PIGU: variants seen among roughly 807,000 people sequenced by gnomAD.
PIGU encodes the protein phosphatidylinositol glycan anchor biosynthesis class U, also known as GPI-anchor transamidase component PIGU.
Under a neutral mutation model 49.9 loss-of-function variants are expected in PIGU, and 24 were observed. That is an observed-to-expected ratio of 0.48 (90% CI 0.35 to 0.68). PIGU has a LOEUF of 0.68. PIGU is among the 30% of genes least tolerant of loss of function. The pLI, the probability that PIGU is intolerant of heterozygous loss-of-function variation, is 0.01. For missense variants in PIGU, 490 were observed against 532.6 expected, an observed-to-expected ratio of 0.92 and a Z score of 0.79; for synonymous variants, 220 against 205.7, an observed-to-expected ratio of 1.07 and a Z score of -0.59.
chr20:34,671,937 T>A (rs59904053), intron 1 of PIGU, among the ~76,000 whole-genome samples: 1,715 of 151,348 alleles, frequency 0.011, 42 homozygotes, highest in African/African-American at 0.039. Flanking sequence ...AAAAAAAAAA[T>A]TTTCTTTTTT....
chr20:34,623,446 A>G (rs1985325502), intron 6 of PIGU, among the ~76,000 whole-genome samples: 1 of 152,206 alleles, frequency 6.6e-6, no homozygotes, highest in Non-Finnish European at 1.5e-5. Context: ...TACTTGCCTT[A>G]AGCCATTTAG....
At chr20:34,596,956 C>T (rs567688608) in intron 7 of PIGU, among the ~76,000 whole-genome samples, 2 of 152,164 alleles carry the variant, frequency 1.3e-5, no homozygotes, top group African/African-American at 4.8e-5. Context: ...CGAAGATATA[C>T]CACTAGAATT....
chr20:34,633,570 A>ATT (rs925090049), intron 6 of PIGU, among the ~76,000 whole-genome samples: 5 of 145,488 alleles, frequency 3.4e-5, no homozygotes, highest in East Asian at 2.0e-4. Context: ...AAAGAGCTAA[A>ATT]TTTTTTTTTT....
intron 7 of PIGU, among the ~76,000 whole-genome samples, chr20:34,588,830 G>A (rs1983816686): frequency 6.6e-6 from 1 of 152,084 alleles, no homozygotes. Context: ...TATGTATCCT[G>A]GAGACAAGTT....
rs59998699 is a variant in PIGU, at chr20:34,650,700, CTTTTTTTTTTTTTTTTT to C, written c.196-5383_196-5367del. Among the ~76,000 whole-genome samples, 14 of 38,796 alleles carry C rather than the reference CTTTTTTTTTTTTTTTTT, an allele frequency of 3.6e-4. No homozygotes were observed. In the Admixed American group the frequency reaches 3.8e-3, roughly 11 times the overall value. 25.5% of individuals were successfully genotyped at this position (38,796 alleles called of 152,430 possible). A position where few individuals can be genotyped will look rare whatever the true frequency, so the allele number is the denominator to read the frequency against. On this transcript the variant is annotated intron_variant, in intron 2 of 11. Transcript: ENST00000217446. ...AATTTTTTTCCTTTTCTTTTTTTCT[CTTTTTTTTTTTTTTTTT>C]TTTTTTTTTTTTTTGAGAAGGAGTC...
At chr20:34,599,028 A>G (rs1181606522) in intron 7 of PIGU, among the ~76,000 whole-genome samples, 3 of 152,108 alleles carry the variant, frequency 2.0e-5, no homozygotes, top group Non-Finnish European at 4.4e-5. Context: ...CATTTTTTGC[A>G]GAGATAGGGT....
intron 4 of PIGU, among the ~76,000 whole-genome samples, chr20:34,642,652 CAT>C (rs10639203): frequency 0.032 from 4,174 of 131,292 alleles, 171 homozygotes; most frequent in African/African-American, 0.095. Flanking sequence ...ATATATATCT[CAT>C]ATATATATAT....
chr20:34,674,901 C>T (rs1291539830), intron 1 of PIGU, among the ~76,000 whole-genome samples: 1 of 147,690 alleles, frequency 6.8e-6, no homozygotes, highest in Non-Finnish European at 1.5e-5. Flanking sequence ...GACCCATTAT[C>T]ACTGCACTCC....
intron 2 of PIGU, among the ~76,000 whole-genome samples, chr20:34,654,455 C>T: frequency 9.7e-6 from 1 of 102,800 alleles, no homozygotes; most frequent in Non-Finnish European, 2.0e-5. Context: ...TTCACTCCAC[C>T]TGGGCAAAAG....
At chr20:34,634,020 G>C (rs949644077) in intron 6 of PIGU, among the ~76,000 whole-genome samples, 1 of 152,180 alleles carries the variant, frequency 6.6e-6, no homozygotes, top group African/African-American at 2.4e-5. Context: ...GTTGAACTAG[G>C]GGTGGGAAGA....
chr20:34,639,341 C>T (rs1168483940), intron 4 of PIGU, among the ~76,000 whole-genome samples: 3 of 152,060 alleles, frequency 2.0e-5, no homozygotes, highest in Non-Finnish European at 4.4e-5. Flanking sequence ...GCGGAGCTTG[C>T]AGTGAGCCGA....
intron 1 of PIGU, among the ~76,000 whole-genome samples, chr20:34,659,259 T>G (rs1434025921): frequency 3.4e-4 from 29 of 86,020 alleles, no homozygotes; most frequent in South Asian, 7.9e-4. Flanking sequence ...GGTGGGGGGG[T>G]CAGCCCCCCG....
intron 7 of PIGU, among the ~76,000 whole-genome samples, chr20:34,595,052 C>T (rs528436725): frequency 1.4e-4 from 20 of 138,392 alleles, no homozygotes; most frequent in East Asian, 4.4e-4. Context: ...GCCGAGATCG[C>T]GCCACTGCAC....
chr20:34,630,160 C>T (rs567261835), intron 6 of PIGU, among the ~76,000 whole-genome samples: 34 of 152,106 alleles, frequency 2.2e-4, no homozygotes, highest in African/African-American at 8.0e-4. Flanking sequence ...GTTACCCCAA[C>T]TATGTGCAGC....
intron 1 of PIGU, among the ~76,000 whole-genome samples, chr20:34,673,908 C>T (rs1304851604): frequency 6.6e-6 from 1 of 151,838 alleles, no homozygotes; most frequent in Admixed American, 6.6e-5. Flanking sequence ...CAAAAATTAG[C>T]CAGGCATGGT....
intron 2 of PIGU, among the ~76,000 whole-genome samples, chr20:34,652,051 G>A (rs953960388): frequency 1.2e-4 from 18 of 152,184 alleles, no homozygotes; most frequent in South Asian, 4.2e-4. Flanking sequence ...CTAGGCTGGG[G>A]TGCAGAGGTA....
chr20:34,595,514 A>C (rs1984167649), intron 7 of PIGU, among the ~76,000 whole-genome samples: 1 of 152,162 alleles, frequency 6.6e-6, no homozygotes, highest in Non-Finnish European at 1.5e-5. Flanking sequence ...ACAAATACCG[A>C]GGGAAGACTG....
At chr20:34,643,194 A>T (rs1986224905) in intron 4 of PIGU, among the ~76,000 whole-genome samples, 1 of 152,158 alleles carries the variant, frequency 6.6e-6, no homozygotes, top group Non-Finnish European at 1.5e-5. Flanking sequence ...AGAGTCAAAG[A>T]CCACACACCA....
chr20:34,639,517 A>C (rs962972546), intron 4 of PIGU, among the ~76,000 whole-genome samples: 2 of 152,120 alleles, frequency 1.3e-5, no homozygotes, highest in African/African-American at 4.8e-5. Flanking sequence ...TAGGAGGAGA[A>C]ATAGGGAGAT....
Sources: gnomAD v4.1 joint callset for allele counts (sites outside exome capture counted in the v4.1 genomes callset) on GRCh38, gnomAD v4.1.1 for gene constraint, MANE v1.5 for transcripts, NCBI Gene and HGNC (gene_info 2026-07-23, HGNC 2026-07-21) for gene names.